The following PHACTR4 variants were observed in gnomAD, a reference collection of about 807,000 sequenced individuals.
PHACTR4 encodes the protein phosphatase and actin regulator 4.
PHACTR4 carries 51 observed loss-of-function variants against 72.7 expected under a neutral mutation model. That is an observed-to-expected ratio of 0.70 (90% confidence interval 0.56 to 0.89). The LOEUF (loss-of-function observed/expected upper bound fraction) is 0.89. Ranked by LOEUF, PHACTR4 falls within the 40% of genes least tolerant of loss-of-function variation. PHACTR4 has a pLI of 0.00. For missense variants in PHACTR4, 731 were observed against 861.8 expected (o/e 0.85, Z 1.90); for synonymous variants, 255 against 302.5 (o/e 0.84, Z 1.63).
chr1:28,394,556 A>G (rs6698531), intron 1 of PHACTR4, among the ~76,000 whole-genome samples: 13,184 of 149,998 alleles, frequency 0.088, 1,230 homozygotes, highest in African/African-American at 0.24. Context: ...CTACAGAAGC[A>G]CTAGGATTAC....
intron 1 of PHACTR4, among the ~76,000 whole-genome samples, chr1:28,380,595 T>C (rs1354720190): frequency 2.0e-5 from 3 of 152,196 alleles, no homozygotes; most frequent in Non-Finnish European, 4.4e-5. Context: ...ACATGTGATA[T>C]TTGTTTTTCT....
chr1:28,492,968 G>A, intron 12 of PHACTR4, 47 bp from the exon 13 acceptor site: 1 of 1,513,804 alleles, frequency 6.6e-7, no homozygotes, highest in East Asian at 2.3e-5. Context: ...ACACTGCTGT[G>A]CAAAGCAGCC....
At position 28,496,546 on chromosome 1, in the gene PHACTR4, A is replaced by G. The variant is rs375347803; in HGVS notation, c.2106A>G (p.Pro702=). 6.2e-7 allele frequency: 1 copy of G among 1,613,974 alleles called. No individual in the cohort carries two copies. Among genetic ancestry groups the G allele is most frequent in the Non-Finnish European group, 8.5e-7 (1 of 1,179,958 alleles). Reference sequence around the variant, plus strand: ...TAATCTCTTTTAGCTACCATCGTCCATGATGCCAAAGGTTGAGAGAGGAAT... The same window carrying G: ...TAATCTCTTTTAGCTACCATCGTCCGTGATGCCAAAGGTTGAGAGAGGAAT... ...ESKHFTRYHR[P] The change falls in exon 14 of 14, where the codon CCA becomes CCG. Residue 702 remains proline (P), a synonymous_variant. Transcript: ENST00000373839.
chr1:28,485,362 G>A (rs1660567096), intron 9 of PHACTR4, among the ~76,000 whole-genome samples: 2 of 152,212 alleles, frequency 1.3e-5, no homozygotes, highest in African/African-American at 4.8e-5. Flanking sequence ...ACCGAGGCAG[G>A]CAGATCACGA....
At chr1:28,415,768 T>A (rs1166029214) in intron 2 of PHACTR4, among the ~76,000 whole-genome samples, 2 of 152,240 alleles carry the variant, frequency 1.3e-5, no homozygotes, top group Admixed American at 1.3e-4. Context: ...GCTTTATTCA[T>A]ATGCATGGCA....
intron 7 of PHACTR4, among the ~76,000 whole-genome samples, chr1:28,475,638 T>C (rs796894156): frequency 1.3e-5 from 2 of 152,116 alleles, no homozygotes; most frequent in Non-Finnish European, 1.5e-5. Context: ...AAAAGTTTCT[T>C]AGTAAGATTG....
chr1:28,460,134 T>G (rs1386179009), intron 3 of PHACTR4, 78 bp from the exon 4 acceptor site: 1 of 892,348 alleles, frequency 1.1e-6, no homozygotes, highest in African/African-American at 1.7e-5. Flanking sequence ...TTCTTTTACC[T>G]GTAGAATTAG....
chr1:28,448,267 G>A (rs532604705), intron 2 of PHACTR4, among the ~76,000 whole-genome samples: 5 of 152,176 alleles, frequency 3.3e-5, no homozygotes, highest in Admixed American at 3.3e-4. Context: ...TGTAATCCTA[G>A]CACTTTGGGA....
At position 28,498,577 on chromosome 1, in the gene PHACTR4, GA is replaced by G. The variant is rs1271685253; in HGVS notation, c.*2035del. The G allele has an allele frequency of 5.9e-5, 9 of 152,142 alleles. No individual in the cohort carries two copies. Among genetic ancestry groups the G allele is most frequent in the African/African-American group, 1.4e-4 (6 of 41,428 alleles). The allele number at this position is 152,142 out of a possible 1,614,324, so 9.4% of individuals were successfully genotyped here. ...ATTCCTATCCACACTATAAATGGAA[GA>G]AAAAAATTAATAGCTTCTGTTTAAT... On this transcript the variant is annotated 3_prime_UTR_variant, in exon 14 of 14. Coordinates refer to ENST00000373839, the MANE Select transcript of PHACTR4 (RefSeq NM_001048183.3).
At chr1:28,442,118 C>T (rs1437814150) in intron 2 of PHACTR4, among the ~76,000 whole-genome samples, 3 of 152,122 alleles carry the variant, frequency 2.0e-5, no homozygotes, top group Admixed American at 2.0e-4. Context: ...TATCACATAT[C>T]CTTAAATTAG....
chr1:28,485,407 T>C (rs1660572214), intron 9 of PHACTR4, among the ~76,000 whole-genome samples: 1 of 151,752 alleles, frequency 6.6e-6, no homozygotes, highest in Non-Finnish European at 1.5e-5. Flanking sequence ...GCCAACGTGA[T>C]GAAACCCCAT....
At chr1:28,411,104 T>C (rs1432769144) in intron 2 of PHACTR4, among the ~76,000 whole-genome samples, 2 of 151,982 alleles carry the variant, frequency 1.3e-5, no homozygotes, top group Non-Finnish European at 2.9e-5. Context: ...TGGAGTACAA[T>C]GGTGTGATCT....
intron 1 of PHACTR4, among the ~76,000 whole-genome samples, chr1:28,382,574 A>G (rs1652267486): frequency 6.6e-6 from 1 of 152,118 alleles, no homozygotes; most frequent in African/African-American, 2.4e-5. Context: ...AAGTGCTGGG[A>G]CTACAGGCGT....
intron 2 of PHACTR4, among the ~76,000 whole-genome samples, chr1:28,448,779 A>C (rs1378583977): frequency 6.8e-6 from 1 of 145,998 alleles, no homozygotes; most frequent in African/African-American, 2.6e-5. Context: ...AAAAAAAAAA[A>C]AAAAAACCTG....
At chr1:28,487,518 C>CAAAAAAAAAAAAAAA (rs796633179) in intron 9 of PHACTR4, among the ~76,000 whole-genome samples, 1 of 77,340 alleles carries the variant, frequency 1.3e-5, no homozygotes, top group African/African-American at 4.4e-5. Flanking sequence ...GACACACACA[C>CAAAAAAAAAAAAAAA]AAAAAAAAAA....
At chr1:28,408,214 C>T (rs1268616567) in intron 2 of PHACTR4, among the ~76,000 whole-genome samples, 1 of 152,222 alleles carries the variant, frequency 6.6e-6, no homozygotes, top group Non-Finnish European at 1.5e-5. Flanking sequence ...GCTCATATTT[C>T]AGAAACAATG....
intron 2 of PHACTR4, among the ~76,000 whole-genome samples, chr1:28,415,247 C>T (rs1325375320): frequency 7.1e-6 from 1 of 140,734 alleles, no homozygotes; most frequent in African/African-American, 2.7e-5. Flanking sequence ...GGCAACAGAG[C>T]GAGACTCTGT....
At chr1:28,494,720 G>A (rs757317662) in intron 13 of PHACTR4, among the ~76,000 whole-genome samples, 1 of 152,200 alleles carries the variant, frequency 6.6e-6, no homozygotes, top group Non-Finnish European at 1.5e-5. Flanking sequence ...GTGTTTCTGG[G>A]TAACAGAAAA....
intron 2 of PHACTR4, among the ~76,000 whole-genome samples, chr1:28,424,883 T>C (rs1655739542): frequency 2.7e-5 from 4 of 150,804 alleles, no homozygotes; most frequent in Admixed American, 2.7e-4. Context: ...AACCTCTTCC[T>C]CCCAGGTTCA....
Sources: gnomAD v4.1 joint callset for allele counts (sites outside exome capture counted in the v4.1 genomes callset) on GRCh38, gnomAD v4.1.1 for gene constraint, MANE v1.5 for transcripts, NCBI Gene and HGNC (gene_info 2026-07-23, HGNC 2026-07-21) for gene names.